RARB: variants seen among roughly 807,000 people sequenced by gnomAD.
The protein encoded by RARB is HBV-activated protein.
In RARB, 17 loss-of-function variants were observed where a neutral mutation model predicts 51.9. The ratio of observed to expected loss-of-function variants is 0.33; its 90% CI spans 0.22 to 0.49. The LOEUF is 0.49. RARB is among the 20% of genes least tolerant of loss of function. The pLI is 0.99. For synonymous variants in RARB, 215 were observed against 195.4 expected, an observed-to-expected ratio of 1.10 and a Z score of -0.84; for missense variants, 369 against 550.8, an observed-to-expected ratio of 0.67 and a Z score of 3.30.
chr3:24,956,877 C>T (rs79513021), intron 2 of RARB, among the ~76,000 whole-genome samples: 7 of 152,108 alleles, frequency 4.6e-5, no homozygotes, highest in Non-Finnish European at 4.4e-5. Context: ...TGTAAGGGAA[C>T]GAGGAAAGCT....
intron 3 of RARB, among the ~76,000 whole-genome samples, chr3:25,503,314 G>A (rs1340291414): frequency 1.3e-5 from 2 of 152,214 alleles, no homozygotes; most frequent in Non-Finnish European, 2.9e-5. Flanking sequence ...TTGGTCTGAT[G>A]TTCTGTAGAC....
chr3:25,399,960 T>G (rs1707220041), intron 5 of RARB, among the ~76,000 whole-genome samples: 1 of 152,218 alleles, frequency 6.6e-6, no homozygotes. Flanking sequence ...TCTATTTCCT[T>G]ACTTGCAAAA....
chr3:24,881,439 C>G (rs1703164132), intron 2 of RARB, among the ~76,000 whole-genome samples: 4 of 152,088 alleles, frequency 2.6e-5, no homozygotes, highest in Admixed American at 2.0e-4. Flanking sequence ...TTTCTCAATT[C>G]AGAAGAGCTT....
At chr3:25,555,829 G>A (rs1404416815) in intron 3 of RARB, among the ~76,000 whole-genome samples, 1 of 152,172 alleles carries the variant, frequency 6.6e-6, no homozygotes, top group Non-Finnish European at 1.5e-5. Context: ...TCCACCAAGG[G>A]CTGGAGGCTG....
intron 1 of RARB, among the ~76,000 whole-genome samples, chr3:25,459,368 A>G (rs953975601): frequency 8.5e-5 from 13 of 152,240 alleles, no homozygotes; most frequent in East Asian, 3.8e-4. Context: ...ATAGAACTCA[A>G]TAAATTAGGG....
chr3:25,112,989 G>C (rs1374890919), intron 3 of RARB, among the ~76,000 whole-genome samples: 34 of 152,134 alleles, frequency 2.2e-4, no homozygotes, highest in Admixed American at 2.2e-3. Flanking sequence ...TGGTGCTCTT[G>C]ATATGAGATA....
chr3:25,119,917 G>T lies in RARB; in HGVS notation c.-327-12244G>T, dbSNP rs181666039. ...AACATGTGAGACTGTGGACAATCAG[G>T]AAGTAGAACAAGGGCTGGATGAAAG... is the stretch of plus-strand genomic sequence containing the variant. On this transcript the variant is annotated intron_variant, in intron 3 of 11. Transcript: ENST00000383772. Among the ~76,000 whole-genome samples the T allele has an allele frequency of 2.4e-4, 37 of 152,238 alleles. No individual in the cohort carries two copies. The East Asian group carries it at 7.0e-3, about 29-fold the overall frequency.
At chr3:24,875,138 T>A (rs1409511155) in intron 2 of RARB, among the ~76,000 whole-genome samples, 1 of 152,206 alleles carries the variant, frequency 6.6e-6, no homozygotes, top group South Asian at 2.1e-4. Flanking sequence ...AAAAAAGATT[T>A]ACATACAAGT....
At position 24,892,658 on chromosome 3, in the gene RARB, A is replaced by C. The variant is rs192334933; in HGVS notation, c.-380+33906A>C. ...GCAAGAACTCTGGAATTATGATTCT[A>C]GCAGATTTATGAAGGAATCCTAAAA... On this transcript the variant is annotated intron_variant, in intron 2 of 11. Transcript: ENST00000383772. Among the ~76,000 whole-genome samples, 4 of 152,344 alleles carry C rather than the reference A, an allele frequency of 2.6e-5. No homozygotes were observed. In the East Asian group the frequency reaches 7.7e-4, roughly 29 times the overall value.
chr3:25,256,135 G>A (rs1382259171), intron 5 of RARB, among the ~76,000 whole-genome samples: 4 of 152,086 alleles, frequency 2.6e-5, no homozygotes, highest in African/African-American at 9.7e-5. Flanking sequence ...ATTTAAACAA[G>A]CTGTGTTGCT....
intron 2 of RARB, among the ~76,000 whole-genome samples, chr3:25,006,018 G>C (rs1697264859): frequency 6.6e-6 from 1 of 152,000 alleles, no homozygotes; most frequent in Non-Finnish European, 1.5e-5. Context: ...CCCACCTCAG[G>C]GCTTTTGCAC....
intron 2 of RARB, among the ~76,000 whole-genome samples, chr3:24,957,451 T>C (rs1007779429): frequency 2.0e-5 from 3 of 152,180 alleles, no homozygotes; most frequent in African/African-American, 7.2e-5. Flanking sequence ...TGGAGAGACG[T>C]CAAATGTTCT....
At chr3:25,473,405 G>C (rs116139797) in intron 2 of RARB, among the ~76,000 whole-genome samples, 11 of 152,062 alleles carry the variant, frequency 7.2e-5, no homozygotes, top group Non-Finnish European at 1.0e-4. Flanking sequence ...GTTCTGGCAG[G>C]CCGGCCCCAT....
chr3:25,320,973 T>C (rs1306074877), intron 5 of RARB, among the ~76,000 whole-genome samples: 8 of 152,190 alleles, frequency 5.3e-5, no homozygotes, highest in Admixed American at 2.0e-4. Flanking sequence ...TTAAGCATGC[T>C]CATTCTTTAT....
intron 2 of RARB, among the ~76,000 whole-genome samples, chr3:24,889,943 C>A (rs1703345848): frequency 6.6e-6 from 1 of 150,536 alleles, no homozygotes; most frequent in South Asian, 2.1e-4. Context: ...TCAAAAGTTT[C>A]TTGGATAGCC....
At chr3:25,002,443 CCAACACA>C (rs1375727277) in intron 2 of RARB, among the ~76,000 whole-genome samples, 1 of 152,144 alleles carries the variant, frequency 6.6e-6, no homozygotes, top group Non-Finnish European at 1.5e-5. Context: ...AGTCATACAG[CCAACACA>C]CTGGGCATCA....
intron 3 of RARB, among the ~76,000 whole-genome samples, chr3:25,518,439 T>A (rs766763898): frequency 1.4e-4 from 22 of 152,096 alleles, no homozygotes; most frequent in Non-Finnish European, 3.1e-4. Context: ...CTGGGAGACG[T>A]CATTTAGGAT....
chr3:25,326,936 C>G (rs1253747814), intron 5 of RARB, among the ~76,000 whole-genome samples: 1 of 151,800 alleles, frequency 6.6e-6, no homozygotes, highest in Non-Finnish European at 1.5e-5. Context: ...TGTGCTGCAC[C>G]CATTAACTCG....
intron 3 of RARB, among the ~76,000 whole-genome samples, chr3:25,530,933 C>T (rs1415568725): frequency 4.6e-5 from 7 of 152,260 alleles, no homozygotes; most frequent in South Asian, 2.1e-4. Flanking sequence ...TATGGACTTA[C>T]GTTTTAACTT....
Sources: gnomAD v4.1 joint callset for allele counts (sites outside exome capture counted in the v4.1 genomes callset) on GRCh38, gnomAD v4.1.1 for gene constraint, MANE v1.5 for transcripts, NCBI Gene and HGNC (gene_info 2026-07-23, HGNC 2026-07-21) for gene names.